ZFP62: variants seen among roughly 807,000 people sequenced by gnomAD.
ZFP62 encodes ZFP62 zinc finger protein.
ZFP62 carries 44 observed loss-of-function variants against 56.4 expected under a neutral mutation model. The ratio of observed to expected loss-of-function variants is 0.78; its 90% CI spans 0.61 to 1.00. ZFP62 has a LOEUF of 1.00. Among genes scored for constraint, ZFP62 ranks in the 50% least tolerant of loss-of-function variants. The pLI is 0.00. For missense variants in ZFP62, 1,030 were observed against 1,085.7 expected, an observed-to-expected ratio of 0.95 and a Z score of 0.72; for synonymous variants, 421 against 388.9, an observed-to-expected ratio of 1.08 and a Z score of -0.97.
chr5:180,858,090 TAA>T (rs35177299), intron 1 of ZFP62, among the ~76,000 whole-genome samples: 4 of 127,714 alleles, frequency 3.1e-5, no homozygotes, highest in Non-Finnish European at 4.8e-5. Flanking sequence ...CCATCTCTAC[TAA>T]AAAAAAAAAA....
chr5:180,861,169 G>A (rs1425409478), intron 1 of ZFP62, 50 bp downstream of exon 1: 2 of 398,432 alleles, frequency 5.0e-6, no homozygotes, highest in Non-Finnish European at 8.9e-6. Flanking sequence ...GGGAGGGCGT[G>A]GCAGGCAAGG....
chr5:180,851,526 ACT>A lies in ZFP62; in HGVS notation c.2-35_2-34del, dbSNP rs934236925. 2.7e-6 allele frequency: 4 copies of A among 1,476,432 alleles called. No individual in the cohort carries two copies. In the African/African-American group the frequency reaches 4.5e-5, roughly 17 times the overall value. 91.5% of individuals were successfully genotyped at this position (1,476,432 alleles called of 1,614,324 possible). On this transcript the variant is annotated intron_variant, in intron 1 of 1. Coordinates refer to ENST00000502412, the MANE Select transcript of ZFP62 (RefSeq NM_001172638.2). ...AAGAAAATGAAAAGGACACCTATTC[ACT>A]CTCTTAAAAAAAAACAAAAACAAAC...
the ZFP62 span, among the ~76,000 whole-genome samples, chr5:180,833,310 C>T: frequency 6.6e-6 from 1 of 151,902 alleles, no homozygotes; most frequent in Non-Finnish European, 1.5e-5. Flanking sequence ...GAAACCCCAT[C>T]TCCACTAAAA....
At chr5:180,845,595 C>A, downstream of ZFP62, 1 of 465,124 alleles carries the variant, frequency 2.1e-6, no homozygotes, top group South Asian at 9.2e-5. Context: ...AATTGAAGTA[C>A]TGTATTCTGC....
In ZFP62 at chr5:180,849,840, T is replaced by C; in HGVS notation, c.1655A>G (p.Lys552Arg). The C allele has an allele frequency of 6.4e-7, 1 of 1,551,856 alleles. No homozygotes were observed. The highest frequency in any genetic ancestry group is 8.7e-7 in the Non-Finnish European group (1 of 1,147,040). ...AGGTCGTTCCCCAGTGTGGATTCGT[T>C]TATGTACTTTAAGGCCAGAATTATT... is the stretch of plus-strand genomic sequence containing the variant. The part of the protein sequence containing the change: ...FRNNSGLKVH[K>R]RIHTGERPYK... The change falls in exon 2 of 2, where the codon AAA (lysine) becomes AGA (arginine). Residue 552 changes from lysine (K) to arginine (R), a missense_variant. Physicochemically the swap from Lys to Arg is conservative, Grantham distance 26. Coordinates refer to ENST00000502412, the MANE Select transcript of ZFP62 (RefSeq NM_001172638.2).
At chr5:180,845,933 A>G (rs1273469947), downstream of ZFP62, 3 of 900,806 alleles carry the variant, frequency 3.3e-6, no homozygotes, top group Non-Finnish European at 4.0e-6. Flanking sequence ...GCTAATAGAG[A>G]CATGCACTCC....
downstream of ZFP62, among the ~76,000 whole-genome samples, chr5:180,847,109 A>G (rs141888819): frequency 2.5e-3 from 379 of 152,346 alleles, 2 homozygotes; most frequent in African/African-American, 8.5e-3. Flanking sequence ...GAGTCCCAGA[A>G]GGAGATGGGA....
the ZFP62 span, among the ~76,000 whole-genome samples, chr5:180,841,241 CCATATATATATACACACACACACACA>C: frequency 1.8e-5 from 2 of 113,556 alleles, no homozygotes; most frequent in African/African-American, 6.7e-5. Context: ...TGTGCTATAT[CCATATATATATACACACACACACACA>C]CATATATATA....
At chr5:180,832,480 GATA>G in the ZFP62 span, among the ~76,000 whole-genome samples, 1 of 152,160 alleles carries the variant, frequency 6.6e-6, no homozygotes, top group Non-Finnish European at 1.5e-5. Context: ...AAAACTCTAG[GATA>G]ATAAATTTAC....
chr5:180,830,514 T>G, the ZFP62 span: 1 of 152,542 alleles, frequency 6.6e-6, no homozygotes, highest in Non-Finnish European at 1.5e-5. Flanking sequence ...GGCCTCCATT[T>G]CAGACGTTCA....
intron 1 of ZFP62, among the ~76,000 whole-genome samples, chr5:180,857,485 T>C (rs1305883364): frequency 6.6e-6 from 1 of 152,152 alleles, no homozygotes; most frequent in African/African-American, 2.4e-5. Context: ...GTGGCTATGT[T>C]AGAACTTTTG....
chr5:180,844,617 C>A (rs1021115776), downstream of ZFP62, among the ~76,000 whole-genome samples: 2 of 152,190 alleles, frequency 1.3e-5, no homozygotes, highest in African/African-American at 4.8e-5. Context: ...CGTGAGGCAG[C>A]CCTCAACCCC....
intron 1 of ZFP62, chr5:180,852,087 G>A (rs758542947): frequency 4.0e-5 from 37 of 923,878 alleles, no homozygotes; most frequent in Non-Finnish European, 4.5e-5. Context: ...ATTATTAAAC[G>A]TCTATAATTA....
At chr5:180,854,477 A>AGTGG (rs1773870427) in intron 1 of ZFP62, among the ~76,000 whole-genome samples, 1 of 152,362 alleles carries the variant, frequency 6.6e-6, no homozygotes, top group East Asian at 1.9e-4. Context: ...CAGAGTAAAG[A>AGTGG]CTGGATCAGG....
In ZFP62 at chr5:180,850,937, G is replaced by A. The variant is rs367926065; in HGVS notation, c.558C>T (p.Val186=). Residue 186 remains valine (V), a synonymous_variant, in exon 2 of 2, where the codon GTC becomes GTT. Transcript: ENST00000502412. ...TCTCCCCAGTGTGGATCCGTTTGTG[G>A]ACCCGAAGGCTCGAGCTGCTCCGGA... ...GTFRSSSSLR[V]HKRIHTGEKP... is the part of the protein sequence containing the mutation. 242 of 1,559,110 alleles carry A rather than the reference G, an allele frequency of 1.6e-4. No individual in the cohort carries two copies. The highest frequency in any genetic ancestry group is 2.0e-4 in the Non-Finnish European group (231 of 1,151,936).
chr5:180,832,750 C>A, the ZFP62 span: 1 of 152,212 alleles, frequency 6.6e-6, no homozygotes, highest in Non-Finnish European at 1.5e-5. Flanking sequence ...TCCAGACACA[C>A]AGAATCTGCA....
chr5:180,858,432 A>T (rs1774123872), intron 1 of ZFP62, among the ~76,000 whole-genome samples: 1 of 151,946 alleles, frequency 6.6e-6, no homozygotes, highest in African/African-American at 2.4e-5. Flanking sequence ...AGGTGAATCC[A>T]TCTCTACTAA....
chr5:180,829,776 G>T, the ZFP62 span, among the ~76,000 whole-genome samples: 1 of 152,042 alleles, frequency 6.6e-6, no homozygotes, highest in Non-Finnish European at 1.5e-5. Context: ...TCTATACCTC[G>T]GAGCCGACAC....
intron 1 of ZFP62, among the ~76,000 whole-genome samples, chr5:180,858,522 C>T (rs141222968): frequency 1.1e-3 from 162 of 152,112 alleles, no homozygotes; most frequent in African/African-American, 3.4e-3. Flanking sequence ...GCACAAGAAT[C>T]GCTTGAACCT....
Sources: gnomAD v4.1 joint callset for allele counts (sites outside exome capture counted in the v4.1 genomes callset) on GRCh38, gnomAD v4.1.1 for gene constraint, MANE v1.5 for transcripts, NCBI Gene and HGNC (gene_info 2026-07-23, HGNC 2026-07-21) for gene names.